The following EML4 variants were observed in gnomAD, a reference collection of about 807,000 sequenced individuals.
EML4 encodes the protein echinoderm microtubule-associated protein-like 4.
EML4 carries 72 observed loss-of-function variants against 129.0 expected under a neutral mutation model. That is an observed-to-expected ratio of 0.56 (90% CI 0.46 to 0.68). The LOEUF (loss-of-function observed/expected upper bound fraction) is 0.68. Ranked by LOEUF, EML4 falls within the 30% of genes least tolerant of loss-of-function variation. The pLI, the probability that EML4 is intolerant of heterozygous loss-of-function variation, is 0.00. For missense variants in EML4, 1,363 were observed against 1,190.6 expected (o/e 1.14, Z -2.13); for synonymous variants, 532 against 405.0 (o/e 1.31, Z -3.77).
intron 1 of EML4, among the ~76,000 whole-genome samples, chr2:42,209,779 A>AT (rs1672774190): frequency 6.6e-6 from 1 of 152,128 alleles, no homozygotes; most frequent in Non-Finnish European, 1.5e-5. Flanking sequence ...AAAATACAAA[A>AT]TTAGCTGGGC....
intron 11 of EML4, 76 bp downstream of exon 11, chr2:42,288,398 A>T: frequency 1.4e-6 from 1 of 700,034 alleles, no homozygotes; most frequent in South Asian, 1.9e-5. Flanking sequence ...CTATATTGGT[A>T]TTAGAACTAT....
At chr2:42,262,762 G>C (rs373660705) in intron 4 of EML4, among the ~76,000 whole-genome samples, 14 of 152,150 alleles carry the variant, frequency 9.2e-5, no homozygotes, top group African/African-American at 3.4e-4. Flanking sequence ...ATTGTCATTT[G>C]TACCATATGT....
intron 9 of EML4, among the ~76,000 whole-genome samples, chr2:42,285,698 A>G (rs1430913605): frequency 6.6e-6 from 1 of 151,516 alleles, no homozygotes; most frequent in African/African-American, 2.4e-5. Flanking sequence ...TCCCAGGTTC[A>G]AGCAATTCAC....
In EML4 at chr2:42,228,323, C is replaced by T. The variant is rs1460604680; in HGVS notation, c.26-17182C>T. On this transcript the variant is annotated intron_variant, in intron 1 of 22. Transcript: ENST00000318522. ...ATGAGTGGGTGGTCAGCACCCCTAA[C>T]CCCTACATTGCTCAAGGATCGACAT... is the stretch of plus-strand genomic sequence containing the variant. 2.6e-5 allele frequency among the ~76,000 whole-genome samples: 4 copies of T among 152,184 alleles called. No individual in the cohort carries two copies. The East Asian group carries it at 7.7e-4, about 29-fold the overall frequency.
chr2:42,301,162 C>A (rs1177043953), intron 13 of EML4, 79 bp from the exon 14 acceptor site: 1 of 1,248,370 alleles, frequency 8.0e-7, no homozygotes, highest in African/African-American at 1.5e-5. Context: ...TCTAGTTCTA[C>A]TGAAGTTTTC....
rs762641903 is a variant in EML4, at chr2:42,256,527, C to G, written c.235C>G (p.Pro79Ala). The stretch of plus-strand genomic sequence containing the variant: ...CCAACCAAGCCCTCGAGCAGTTATT[C>G]CCATGTCCTGTATAACCAATGGAAG... ...KGQPSPRAVIPMSCITNGSGA... is the reference protein window; with the variant it reads ...KGQPSPRAVIAMSCITNGSGA... The change falls in exon 3 of 23, where the codon CCC becomes GCC. Residue 79 changes from proline (P) to alanine (A), a missense_variant. Physicochemically the swap from Pro to Ala is conservative, Grantham distance 27 (BLOSUM62 -1). Transcript: ENST00000318522. 6.2e-7 allele frequency: 1 copy of G among 1,611,762 alleles called. No individual in the cohort carries two copies.
intron 1 of EML4, among the ~76,000 whole-genome samples, chr2:42,214,585 A>G (rs1673071914): frequency 6.6e-6 from 1 of 152,218 alleles, no homozygotes; most frequent in African/African-American, 2.4e-5. Context: ...GATTAAAACA[A>G]CAATTTTGTT....
intron 9 of EML4, among the ~76,000 whole-genome samples, chr2:42,285,468 T>C (rs1667241433): frequency 6.6e-6 from 1 of 152,228 alleles, no homozygotes; most frequent in African/African-American, 2.4e-5. Flanking sequence ...ATTTAAGGGC[T>C]GTTTAGCAGT....
chr2:42,304,519 C>G lies in EML4; in HGVS notation c.1935C>G (p.Gly645=). The change falls in exon 17 of 23, where the codon GGC becomes GGG. Residue 645 remains glycine, a synonymous_variant. Transcript: ENST00000318522. ...PGHCADFHPS[G]TVVAIGTHSG... Reference sequence around the variant, plus strand: ...ACTGTGCAGATTTTCATCCAAGTGGCACAGTGGTGGCCATAGGAACGCACT... The same window carrying G: ...ACTGTGCAGATTTTCATCCAAGTGGGACAGTGGTGGCCATAGGAACGCACT... The G allele has an allele frequency of 5.6e-6, 9 of 1,614,016 alleles. No individual in the cohort carries two copies. Among genetic ancestry groups the G allele is most frequent in the Non-Finnish European group, 7.6e-6 (9 of 1,179,926 alleles).
At chr2:42,317,198 T>G (rs979886255) in intron 18 of EML4, among the ~76,000 whole-genome samples, 8 of 152,170 alleles carry the variant, frequency 5.3e-5, no homozygotes, top group African/African-American at 1.9e-4. Context: ...TTCAACTAAC[T>G]AGAAGATGAG....
intron 2 of EML4, among the ~76,000 whole-genome samples, chr2:42,255,719 A>G (rs1676098202): frequency 6.6e-6 from 1 of 152,174 alleles, no homozygotes; most frequent in African/African-American, 2.4e-5. Context: ...AATTCATTCA[A>G]TCTAATGTAG....
intron 6 of EML4, among the ~76,000 whole-genome samples, chr2:42,272,545 A>G (rs541919552): frequency 1.1e-3 from 162 of 152,266 alleles, no homozygotes; most frequent in South Asian, 1.7e-3. Flanking sequence ...GGCCTCCCAA[A>G]GTGCTGGGAT....
At chr2:42,200,862 G>GGGAAATGAGGCA (rs1384111244) in intron 1 of EML4, among the ~76,000 whole-genome samples, 1 of 152,134 alleles carries the variant, frequency 6.6e-6, no homozygotes, top group Non-Finnish European at 1.5e-5. Context: ...GGGACAGTAG[G>GGGAAATGAGGCA]GGAAATGAGG....
At chr2:42,221,403 CTTTT>C (rs74816568) in intron 1 of EML4, among the ~76,000 whole-genome samples, 17 of 108,268 alleles carry the variant, frequency 1.6e-4, no homozygotes, top group East Asian at 1.0e-3. Context: ...ACATGGTTTA[CTTTT>C]TTTTTTTTTT....
intron 1 of EML4, among the ~76,000 whole-genome samples, chr2:42,197,582 A>G (rs1374251851): frequency 2.6e-5 from 4 of 152,160 alleles, no homozygotes; most frequent in Non-Finnish European, 4.4e-5. Flanking sequence ...AAAAAACAAA[A>G]TGGTGTAAAC....
At chr2:42,317,951 C>T (rs1669331492) in intron 19 of EML4, among the ~76,000 whole-genome samples, 1 of 152,186 alleles carries the variant, frequency 6.6e-6, no homozygotes, top group African/African-American at 2.4e-5. Flanking sequence ...TATTTGTCTG[C>T]ATTTAAGAGA....
At chr2:42,240,328 T>C (rs1674944347) in intron 1 of EML4, among the ~76,000 whole-genome samples, 1 of 152,226 alleles carries the variant, frequency 6.6e-6, no homozygotes, top group Non-Finnish European at 1.5e-5. Flanking sequence ...TTTATTTTTA[T>C]TTCCTCTTTT....
At chr2:42,262,201 C>G (rs1245058642) in intron 4 of EML4, among the ~76,000 whole-genome samples, 1 of 152,058 alleles carries the variant, frequency 6.6e-6, no homozygotes, top group Non-Finnish European at 1.5e-5. Context: ...TATTTTGCCT[C>G]AAATCGCTAA....
At position 42,332,297 on chromosome 2, in the gene EML4, A is replaced by G. The variant is rs368222361; in HGVS notation, c.*2090A>G. 6 of 213,196 alleles carry G rather than the reference A, an allele frequency of 2.8e-5. No homozygotes were observed. Among genetic ancestry groups the G allele is most frequent in the African/African-American group, 4.5e-5 (2 of 44,102 alleles). 13.2% of individuals were successfully genotyped at this position (213,196 alleles called of 1,614,324 possible). On this transcript the variant is annotated 3_prime_UTR_variant, in exon 23 of 23. Transcript: ENST00000318522. ...TTCGGTGGTAGTTTCAAAAGACACT[A>G]CTAATACGCAGGAAGCGTTCCAGCT... is the stretch of plus-strand genomic sequence containing the variant.
Sources: gnomAD v4.1 joint callset for allele counts (sites outside exome capture counted in the v4.1 genomes callset) on GRCh38, gnomAD v4.1.1 for gene constraint, MANE v1.5 for transcripts, NCBI Gene and HGNC (gene_info 2026-07-23, HGNC 2026-07-21) for gene names.